The following FAAP100 variants were observed in gnomAD, a reference collection of about 807,000 sequenced individuals.
FAAP100 encodes FA core complex associated protein 100.
In FAAP100, 46 loss-of-function variants were observed where a neutral mutation model predicts 65.8. That is an observed-to-expected ratio of 0.70 (90% confidence interval 0.55 to 0.89). The LOEUF (loss-of-function observed/expected upper bound fraction) is 0.89. Among genes scored for constraint, FAAP100 ranks in the 40% least tolerant of loss-of-function variants. The pLI is 0.00. For synonymous variants in FAAP100, 663 were observed against 555.1 expected (o/e 1.19, Z -2.73); for missense variants, 1,165 against 1,196.7 (o/e 0.97, Z 0.39).
rs748161226 is a variant in FAAP100 at position 81,547,657 on chromosome 17, C to A, written c.1425G>T (p.Ala475=). 6.2e-7 allele frequency: 1 copy of A among 1,610,522 alleles called. No homozygotes were observed. The highest frequency in any genetic ancestry group is 8.5e-7 in the Non-Finnish European group (1 of 1,178,012). The part of the protein sequence containing the change: ...ISERVSFLKK[A]VDQRNKALTS... The stretch of plus-strand genomic sequence containing the variant: ...TCAGTGCCTTGTTCCGCTGGTCAAC[C>A]GCCTTCTTTAGAAAAGACACTCTGC... Residue 475 remains alanine (A), a synonymous_variant, in exon 5 of 9, where the codon GCG becomes GCT. Transcript: ENST00000327787.
chr17:81,549,981 C>A (rs1482084692), intron 3 of FAAP100, among the ~76,000 whole-genome samples: 1 of 152,166 alleles, frequency 6.6e-6, no homozygotes, highest in Non-Finnish European at 1.5e-5. Context: ...GCAGTTTCCT[C>A]CAAGTCCACA....
In FAAP100 at chr17:81,546,913, G is replaced by A; in HGVS notation, c.2169C>T (p.His723=). Residue 723 remains histidine (H), a synonymous_variant, in exon 5 of 9, where the codon CAC becomes CAT. Coordinates refer to ENST00000327787, the MANE Select transcript of FAAP100 (RefSeq NM_025161.6). ...ELLRAALKDG[H]SGVPLCCATL... ...AAGCCAAGCAGTGCCACCAACCTGAGTGGCCGTCCTTCAAGGCAGCTCTGA... is the reference window on the plus strand; with the variant it reads ...AAGCCAAGCAGTGCCACCAACCTGAATGGCCGTCCTTCAAGGCAGCTCTGA... The A allele has an allele frequency of 5.8e-6, 8 of 1,386,968 alleles. No homozygotes were observed. The highest frequency in any genetic ancestry group is 7.5e-6 in the Non-Finnish European group (8 of 1,063,798). The allele number at this position is 1,386,968 out of a possible 1,614,324, so 85.9% of individuals were successfully genotyped here.
Position 81,541,291 on chromosome 17 carries a change from G to A in FAAP100, c.2514+18C>T, listed in dbSNP as rs752101053. The A allele has an allele frequency of 5.0e-5, 81 of 1,604,026 alleles. No homozygotes were observed. In the Middle Eastern group the frequency reaches 1.5e-3, roughly 31 times the overall value. ...GCTACCCAGGGGAAGGGGACTGCCC[G>A]GGGAACCGGGTGCTCACCTCGTGGT... On this transcript the variant is annotated intron_variant, in intron 8 of 8. Coordinates refer to ENST00000327787, the MANE Select transcript of FAAP100 (RefSeq NM_025161.6).
rs1416250087 is a variant in FAAP100, at chr17:81,539,909, C to T, written c.*910G>A. The T allele has an allele frequency of 5.0e-6, 2 of 398,798 alleles. No homozygotes were observed. The highest frequency in any genetic ancestry group is 4.4e-6 in the Non-Finnish European group (1 of 226,148). The allele number at this position is 398,798 out of a possible 1,614,324, so 24.7% of individuals were successfully genotyped here. A position where few individuals can be genotyped will look rare whatever the true frequency, so the allele number is the denominator to read the frequency against. On this transcript the variant is annotated 3_prime_UTR_variant, in exon 9 of 9. Transcript: ENST00000327787. The stretch of plus-strand genomic sequence containing the variant: ...CTGAAGGTTCACGGACAGACAGGGT[C>T]GTTTGTCACAGCAGAGAAGCACCTC...
chr17:81,549,269 G>T lies in FAAP100; in HGVS notation c.1340C>A (p.Thr447Asn). ...DSEMPGPARM[T>N]TESAGQKIKE... is the part of the protein sequence containing the mutation. Reference sequence around the variant, plus strand: ...TATTTTCTGACCTGCACTCTCTGTGGTCATCCTGGCTGGGCCAGGCATCTC... The same window carrying T: ...TATTTTCTGACCTGCACTCTCTGTGTTCATCCTGGCTGGGCCAGGCATCTC... Residue 447 changes from threonine (T) to asparagine (N), a missense_variant, in exon 4 of 9, where the codon ACC (threonine) becomes AAC (asparagine). Transcript: ENST00000327787. 1.2e-6 allele frequency: 2 copies of T among 1,613,206 alleles called. No individual in the cohort carries two copies. Among genetic ancestry groups the T allele is most frequent in the Non-Finnish European group, 1.7e-6 (2 of 1,179,988 alleles).
At chr17:81,542,222 T>TAG (rs2033141430) in intron 7 of FAAP100, among the ~76,000 whole-genome samples, 1 of 89,432 alleles carries the variant, frequency 1.1e-5, no homozygotes, top group African/African-American at 6.5e-5. Context: ...TATATATATA[T>TAG]ATATATATAT....
At position 81,550,293 on chromosome 17, in the gene FAAP100, T is replaced by C; in HGVS notation, c.1201A>G (p.Ile401Val). 1.9e-6 allele frequency: 3 copies of C among 1,611,604 alleles called. No individual in the cohort carries two copies. The highest frequency in any genetic ancestry group is 2.5e-6 in the Non-Finnish European group (3 of 1,179,230). The change falls in exon 3 of 9, where the codon ATC becomes GTC. Residue 401 changes from isoleucine to valine, a missense_variant. By Grantham distance (29) the Ile-to-Val change is conservative. Coordinates refer to ENST00000327787, the MANE Select transcript of FAAP100 (RefSeq NM_025161.6). ...GCGGACAGCGAGACGACACTGCAGA[T>C]GTTCAGGCTGGCTGGGCACAGCATG... ...PPMLCPASLN[I>V]CSVVSLSASP...
Position 81,549,304 on chromosome 17 carries a change from G to T in FAAP100, c.1305C>A (p.Asp435Glu), listed in dbSNP as rs758676652. Residue 435 changes from aspartate to glutamate, a missense_variant, in exon 4 of 9, where the codon GAC (aspartate) becomes GAA (glutamate). Asp to Glu is a conservative substitution (Grantham distance 45). Coordinates refer to ENST00000327787, the MANE Select transcript of FAAP100 (RefSeq NM_025161.6). ...CTGGGCCAGGCATCTCAGAGTCCAG[G>T]TCCAGGCTGCAGGTCATCAGGCGGC... ...AKGRLMTCSL[D>E]LDSEMPGPAR... is the part of the protein sequence containing the mutation. 1.2e-6 allele frequency: 2 copies of T among 1,613,004 alleles called. No individual in the cohort carries two copies. The highest frequency in any genetic ancestry group is 1.7e-6 in the Non-Finnish European group (2 of 1,179,900).
rs746619662 is a variant in FAAP100, at chr17:81,547,426, A to G, written c.1656T>C (p.Cys552=). The change falls in exon 5 of 9, where the codon TGT becomes TGC. Residue 552 remains cysteine (C), a synonymous_variant. Transcript: ENST00000327787. Reference sequence around the variant, plus strand: ...AGCAGGCCGAGTCCAGGTCGAGAGCACAGGAGCTGGTGAGCACCTGGATGC... The same window carrying G: ...AGCAGGCCGAGTCCAGGTCGAGAGCGCAGGAGCTGGTGAGCACCTGGATGC... ...TLCIQVLTSS[C]ALDLDSACSA... The G allele has an allele frequency of 1.2e-6, 2 of 1,612,990 alleles. No individual in the cohort carries two copies. The highest frequency in any genetic ancestry group is 1.7e-6 in the Non-Finnish European group (2 of 1,180,028).
chr17:81,544,830 T>C (rs1009401356), intron 6 of FAAP100, among the ~76,000 whole-genome samples: 2 of 152,226 alleles, frequency 1.3e-5, no homozygotes, highest in East Asian at 1.9e-4. Context: ...GAAAGGGCTG[T>C]GTAGAGGGCA....
chr17:81,552,429 C>G (rs1240138489), upstream of FAAP100: 1 of 1,140,754 alleles, frequency 8.8e-7, no homozygotes, highest in East Asian at 3.3e-5. Context: ...GCGACCTCCG[C>G]CGTAAAGCGG....
intron 7 of FAAP100, among the ~76,000 whole-genome samples, chr17:81,543,144 C>T (rs557061791): frequency 1.3e-5 from 2 of 152,318 alleles, no homozygotes; most frequent in South Asian, 4.1e-4. Context: ...GCCATCTGAG[C>T]CACCTGCCAG....
chr17:81,540,982 C>T lies in FAAP100; in HGVS notation c.2515-32G>A. On this transcript the variant is annotated intron_variant, in intron 8 of 8. Transcript: ENST00000327787. ...GTGAAGCAGACACAGCTCAGGCCCCCCACCTGGCCCTGGGGATGTCACTGG... is the reference window on the plus strand; with the variant it reads ...GTGAAGCAGACACAGCTCAGGCCCCTCACCTGGCCCTGGGGATGTCACTGG... 2.6e-6 allele frequency: 4 copies of T among 1,541,840 alleles called. 1 individual carries two copies. The highest frequency in any genetic ancestry group is 3.8e-5 in the Admixed American group (2 of 52,350).
intron 4 of FAAP100, chr17:81,548,182 T>A: frequency 1.7e-6 from 1 of 594,098 alleles, no homozygotes. Flanking sequence ...GGGACCCCAG[T>A]GGTTATGTGA....
chr17:81,551,983 G>T lies in FAAP100; in HGVS notation c.235C>A (p.Leu79Met), dbSNP rs761467494. 75 of 1,567,144 alleles carry T rather than the reference G, an allele frequency of 4.8e-5. No individual in the cohort carries two copies. In the South Asian group the frequency reaches 8.3e-4, roughly 17 times the overall value. ...CAGTAGAGGCCCCTCCGGGCGCACA[G>T]CGCGTACAGCAACCTGCGCGGCGCC... ...LLAPRRLLYA[L>M]CARRGLYCLS... is the part of the protein sequence containing the mutation. Residue 79 changes from leucine to methionine, a missense_variant, in exon 2 of 9, where the codon CTG becomes ATG. Physicochemically the swap from Leu to Met is conservative, Grantham distance 15 (BLOSUM62 2). Coordinates refer to ENST00000327787, the MANE Select transcript of FAAP100 (RefSeq NM_025161.6).
chr17:81,552,463 GA>G, upstream of FAAP100: 1 of 852,158 alleles, frequency 1.2e-6, no homozygotes. Context: ...GGGCGGGCCG[GA>G]AAGGACGCGC....
At position 81,552,277 on chromosome 17, in the gene FAAP100, G is replaced by C; in HGVS notation, c.54C>G (p.Leu18=). ...VRYLAGFCCP[L]GGLAAGKPRV... ...GGGGCTTGCCCGCCGCCAGGCCCCCGAGAGGGCAGCAGAAGCCCGCCAGGT... is the reference window on the plus strand; with the variant it reads ...GGGGCTTGCCCGCCGCCAGGCCCCCCAGAGGGCAGCAGAAGCCCGCCAGGT... Residue 18 remains leucine, a synonymous_variant, in exon 1 of 9, where the codon CTC becomes CTG. Transcript: ENST00000327787. The C allele has an allele frequency of 6.8e-7, 1 of 1,475,242 alleles. No individual in the cohort carries two copies. Among genetic ancestry groups the C allele is most frequent in the Non-Finnish European group, 8.9e-7 (1 of 1,120,360 alleles). 91.4% of individuals were successfully genotyped at this position (1,475,242 alleles called of 1,614,324 possible). A position where few individuals can be genotyped will look rare whatever the true frequency, so the allele number is the denominator to read the frequency against.
upstream of FAAP100, chr17:81,552,377 C>T: frequency 7.7e-7 from 1 of 1,307,016 alleles, no homozygotes; most frequent in South Asian, 2.4e-5. Context: ...CGCGCGGCGG[C>T]GGCTCCGCCT....
chr17:81,545,874 G>A lies in FAAP100; in HGVS notation c.2182C>T (p.Leu728=), dbSNP rs1284977656. The A allele has an allele frequency of 6.2e-7, 1 of 1,606,818 alleles. No individual in the cohort carries two copies. Among genetic ancestry groups the A allele is most frequent in the Admixed American group, 1.7e-5 (1 of 59,942 alleles). Residue 728 remains leucine, a synonymous_variant, in exon 6 of 9, where the codon CTG becomes TTG. Transcript: ENST00000327787. ...ALKDGHSGVP[L]CCATLQWLLA... is the part of the protein sequence containing the mutation. ...AGCCACTGCAGGGTGGCACAGCACA[G>A]GGGCACGCCTGGAGGGGAGGCATCA... is the stretch of plus-strand genomic sequence containing the variant.
Sources: allele counts gnomAD v4.1 joint callset (sites outside exome capture counted in the v4.1 genomes callset), GRCh38; gene constraint gnomAD v4.1.1; transcripts MANE v1.5; gene names NCBI Gene and HGNC (gene_info 2026-07-23, HGNC 2026-07-21).